The following ENTPD5 variants were observed in gnomAD, a reference collection of about 807,000 sequenced individuals.
ENTPD5 encodes nucleoside diphosphate phosphatase ENTPD5.
ENTPD5 carries 49 observed loss-of-function variants against 60.2 expected under a neutral mutation model. The ratio of observed to expected loss-of-function variants is 0.81; its 90% CI spans 0.65 to 1.03. The LOEUF (loss-of-function observed/expected upper bound fraction) is 1.03. Among genes scored for constraint, ENTPD5 ranks in the 50% least tolerant of loss-of-function variants. The pLI is 0.00. For missense variants in ENTPD5, 480 were observed against 507.6 expected (o/e 0.95, Z 0.52); for synonymous variants, 187 against 185.4 (o/e 1.01, Z -0.07).
At chr14:73,971,572 C>T (rs1023702024) in intron 14 of ENTPD5, among the ~76,000 whole-genome samples, 4 of 152,216 alleles carry the variant, frequency 2.6e-5, no homozygotes, top group African/African-American at 4.8e-5. Flanking sequence ...AGCTGCAATG[C>T]AGTGACTGTT....
At chr14:74,005,267 AAAAAAAAAAAAAAAG>A (rs1207544319) in intron 3 of ENTPD5, among the ~76,000 whole-genome samples, 1 of 127,632 alleles carries the variant, frequency 7.8e-6, no homozygotes, top group Non-Finnish European at 1.6e-5. Context: ...CTCAGTCTCA[AAAAAAAAAAAAAAAG>A]AAAAAAAGAA....
At chr14:73,986,958 G>T in intron 4 of ENTPD5, 65 bp from the exon 5 acceptor site, 1 of 1,181,992 alleles carries the variant, frequency 8.5e-7, no homozygotes, top group Non-Finnish European at 1.3e-6. Context: ...TGCTTCAGAT[G>T]CTGGGCTCTG....
rs986140624 is a variant in ENTPD5, at chr14:73,963,390, C to T, written c.*3538G>A. On this transcript the variant is annotated 3_prime_UTR_variant, in exon 16 of 16. Transcript: ENST00000334696. ...TTTTGATAGAGGTAAGAATTAGACT[C>T]GATGCATTTTTGTTAGAATTGCTGT... is the stretch of plus-strand genomic sequence containing the variant. 21 of 301,536 alleles carry T rather than the reference C, an allele frequency of 7.0e-5. No individual in the cohort carries two copies. Among genetic ancestry groups the T allele is most frequent in the African/African-American group, 2.8e-4 (13 of 46,110 alleles). 18.7% of individuals were successfully genotyped at this position (301,536 alleles called of 1,614,324 possible). A position where few individuals can be genotyped will look rare whatever the true frequency, so the allele number is the denominator to read the frequency against.
At position 73,971,884 on chromosome 14, in the gene ENTPD5, T is replaced by G; in HGVS notation, c.1052A>C (p.Lys351Thr). The G allele has an allele frequency of 6.2e-7, 1 of 1,604,696 alleles. No individual in the cohort carries two copies. The highest frequency in any genetic ancestry group is 1.1e-5 in the South Asian group (1 of 90,864). Residue 351 changes from lysine (K) to threonine (T), a missense_variant, in exon 14 of 16, where the codon AAA (lysine) becomes ACA (threonine). Lys to Thr is a moderately conservative substitution (Grantham distance 78, BLOSUM62 -1). Transcript: ENST00000334696. ...GGCTTTTCTTTCAAAATCTTCAACT[T>G]TTAAAATACCCCCCTTTTCATAATC... ...MIDYEKGGIL[K>T]VEDFERKARE...
chr14:74,001,663 T>C (rs1366174200), intron 3 of ENTPD5, among the ~76,000 whole-genome samples: 1 of 60,672 alleles, frequency 1.6e-5, no homozygotes, highest in Non-Finnish European at 2.8e-5. Flanking sequence ...CAAGACCTCA[T>C]CTCAAAAAAA....
At chr14:73,980,226 C>T (rs1178744763) in intron 6 of ENTPD5, among the ~76,000 whole-genome samples, 1 of 150,232 alleles carries the variant, frequency 6.7e-6, no homozygotes, top group Non-Finnish European at 1.5e-5. Context: ...GGATTACAGG[C>T]ATGAGCCACC....
intron 3 of ENTPD5, among the ~76,000 whole-genome samples, chr14:74,009,918 A>C (rs1423192667): frequency 6.6e-6 from 1 of 151,984 alleles, no homozygotes; most frequent in African/African-American, 2.4e-5. Flanking sequence ...CAGCCTCCTG[A>C]GTAGCAGGGA....
intron 5 of ENTPD5, chr14:73,986,597 T>C (rs1262891258): frequency 1.8e-6 from 1 of 551,182 alleles, no homozygotes; most frequent in South Asian, 2.3e-5. Context: ...GTGTCATCCT[T>C]GCATTACCAC....
intron 5 of ENTPD5, among the ~76,000 whole-genome samples, chr14:73,985,502 G>A (rs1645946205): frequency 6.6e-6 from 1 of 152,132 alleles, no homozygotes; most frequent in Admixed American, 6.6e-5. Flanking sequence ...GTGATGATGA[G>A]CATTTTTTCA....
intron 10 of ENTPD5, 54 bp from the exon 11 acceptor site, chr14:73,975,039 A>G: frequency 7.6e-7 from 1 of 1,324,064 alleles, no homozygotes; most frequent in Non-Finnish European, 1.1e-6. Context: ...TCTCTAGCCT[A>G]AAGCTACCTC....
rs1594850974 is a variant in ENTPD5 at position 73,972,893 on chromosome 14, C to T, written c.1018G>A (p.Asp340Asn). ...CCTGGGGTGAACTCACCAATCATGT[C>T]TGTGTCAACAGCTCGGTCATAATAG... ...SYYYDRAVDT[D>N]MIDYEKGGIL... Residue 340 changes from aspartate to asparagine, a missense_variant, in exon 13 of 16, where the codon GAC becomes AAC. Coordinates refer to ENST00000334696, the MANE Select transcript of ENTPD5 (RefSeq NM_001249.5). 4.3e-6 allele frequency: 7 copies of T among 1,614,086 alleles called. No individual in the cohort carries two copies. The East Asian group carries it at 1.6e-4, about 36-fold the overall frequency.
downstream of ENTPD5, chr14:73,956,083 T>G (rs566931169): frequency 5.8e-5 from 62 of 1,062,450 alleles, no homozygotes; most frequent in Admixed American, 1.3e-4. Context: ...CCAGCACTTT[T>G]GGAGGCTAAG....
chr14:73,987,920 T>C lies in ENTPD5; in HGVS notation c.183A>G (p.Arg61=). The change falls in exon 4 of 16, where the codon CGA becomes CGG. Residue 61 remains arginine (R), a synonymous_variant. Coordinates refer to ENST00000334696, the MANE Select transcript of ENTPD5 (RefSeq NM_001249.5). ...IMFDAGSTGT[R]IHVYTFVQKM... ...TCTGCACAAAGGTGTAAACATGAAT[T>C]CGAGTTCCAGTGCTCCCTGCATCAA... 3 of 1,614,162 alleles carry C rather than the reference T, an allele frequency of 1.9e-6. No homozygotes were observed. The highest frequency in any genetic ancestry group is 2.5e-6 in the Non-Finnish European group (3 of 1,180,038).
At chr14:73,994,505 TG>T in intron 3 of ENTPD5, among the ~76,000 whole-genome samples, 1 of 150,312 alleles carries the variant, frequency 6.7e-6, no homozygotes, top group South Asian at 2.2e-4. Flanking sequence ...GAGGCCGAGG[TG>T]GGTGGATCAT....
In ENTPD5 at chr14:73,982,538, C is replaced by T. The variant is rs183832190; in HGVS notation, c.441+480G>A. Among the ~76,000 whole-genome samples the T allele has an allele frequency of 1.0e-2, 1,515 of 152,046 alleles. 35 individuals are homozygous for T. Among genetic ancestry groups the T allele is most frequent in the African/African-American group, 0.035 (1,446 of 41,444 alleles). On this transcript the variant is annotated intron_variant, in intron 6 of 15. Coordinates refer to ENST00000334696, the MANE Select transcript of ENTPD5 (RefSeq NM_001249.5). ...TTGGGAGGCTGAGGCGGGCAGATCA[C>T]GAGGTCAGGAGATCGAGACCATCCT...
At chr14:73,955,367 C>T, downstream of ENTPD5, 2 of 982,718 alleles carry the variant, frequency 2.0e-6, no homozygotes, top group Non-Finnish European at 3.3e-6. Flanking sequence ...CTGAAAACAA[C>T]CTCTTACGTA....
At position 73,996,127 on chromosome 14, in the gene ENTPD5, C is replaced by T. The variant is rs1398569731; in HGVS notation, c.-70-7955G>A. 6.1e-6 allele frequency: 6 copies of T among 985,148 alleles called. No homozygotes were observed. In the Admixed American group the frequency reaches 3.1e-4, roughly 51 times the overall value. The allele number at this position is 985,148 out of a possible 1,614,324, so 61.0% of individuals were successfully genotyped here. ...GCTCACCTGCTTGTGTCTGCCGGTT[C>T]CCTGAGTCCTTGCTTTCGCTGCAGG... On this transcript the variant is annotated intron_variant, in intron 3 of 15. Transcript: ENST00000334696.
At chr14:73,997,391 C>T (rs767972046) in intron 3 of ENTPD5, among the ~76,000 whole-genome samples, 1 of 152,068 alleles carries the variant, frequency 6.6e-6, no homozygotes, top group Non-Finnish European at 1.5e-5. Context: ...TATCTCACAA[C>T]AGTGGAAAAT....
chr14:73,989,256 C>G (rs1045362709), intron 3 of ENTPD5, among the ~76,000 whole-genome samples: 4 of 152,080 alleles, frequency 2.6e-5, no homozygotes, highest in African/African-American at 7.2e-5. Context: ...TAGCGAGAGC[C>G]CTGTCTCTAC....
Sources: allele counts gnomAD v4.1 joint callset (sites outside exome capture counted in the v4.1 genomes callset), GRCh38; gene constraint gnomAD v4.1.1; transcripts MANE v1.5; gene names NCBI Gene and HGNC (gene_info 2026-07-23, HGNC 2026-07-21).